SMOC2: variants seen among roughly 807,000 people sequenced by gnomAD.
The protein encoded by SMOC2 is SPARC-related modular calcium-binding protein 2.
In SMOC2, 39 loss-of-function variants were observed where a neutral mutation model predicts 61.4. The ratio of observed to expected loss-of-function variants is 0.64; its 90% CI spans 0.49 to 0.83. The LOEUF is 0.83. Ranked by LOEUF, SMOC2 falls within the 40% of genes least tolerant of loss-of-function variation. The probability of loss-of-function intolerance (pLI) is 0.00; values close to 1 mark genes in which losing one functional copy is unlikely to be tolerated. For missense variants in SMOC2, 556 were observed against 592.9 expected (o/e 0.94, Z 0.65); for synonymous variants, 247 against 239.9 (o/e 1.03, Z -0.27).
chr6:168,503,517 G>A (rs57445813), intron 1 of SMOC2, among the ~76,000 whole-genome samples: 16 of 152,114 alleles, frequency 1.1e-4, no homozygotes, highest in African/African-American at 3.1e-4. Context: ...TGCCCTCCCC[G>A]CATGGTGGTT....
At chr6:168,645,493 G>A (rs369157282) in intron 9 of SMOC2, among the ~76,000 whole-genome samples, 22 of 152,284 alleles carry the variant, frequency 1.4e-4, no homozygotes, top group African/African-American at 5.1e-4. Flanking sequence ...TCCTCTCCTC[G>A]GGCCTTTTCT....
intron 1 of SMOC2, among the ~76,000 whole-genome samples, chr6:168,445,884 T>C (rs1781321716): frequency 6.6e-6 from 1 of 152,190 alleles, no homozygotes; most frequent in African/African-American, 2.4e-5. Context: ...AACAAGACCA[T>C]GCAGCCAATG....
In SMOC2 at chr6:168,453,552, G is replaced by A. The variant is rs1781511601; in HGVS notation, c.84+12098G>A. Among the ~76,000 whole-genome samples the A allele has an allele frequency of 6.6e-6, 1 of 150,986 alleles. No individual in the cohort carries two copies. The highest frequency in any genetic ancestry group is 2.1e-4 in the South Asian group (1 of 4,726). On this transcript the variant is annotated intron_variant, in intron 1 of 12. Transcript: ENST00000356284. The surrounding 1 kb of genome is among the most constrained non-coding windows in gnomAD (Gnocchi z 4.4). ...TGTCTCTTTGTCTCTCTCTGTACCT[G>A]TCTCTCTGATTCTCTCAGTCTCTGC...
intron 2 of SMOC2, among the ~76,000 whole-genome samples, chr6:168,515,139 A>G (rs1783100018): frequency 6.6e-6 from 1 of 152,236 alleles, no homozygotes. Flanking sequence ...ATTCTCATTT[A>G]TGTTACTGAA....
At chr6:168,664,842 C>T (rs1787619584) in intron 12 of SMOC2, 2 of 469,808 alleles carry the variant, frequency 4.3e-6, no homozygotes, top group African/African-American at 2.0e-5. Flanking sequence ...CCTTCAAAGC[C>T]AGGACAAAAT....
intron 1 of SMOC2, among the ~76,000 whole-genome samples, chr6:168,488,721 A>G (rs1782392936): frequency 1.3e-5 from 2 of 152,106 alleles, no homozygotes. Context: ...AGAAGGAAAT[A>G]TATCAAATCG....
At chr6:168,556,201 C>T (rs569781423) in intron 7 of SMOC2, among the ~76,000 whole-genome samples, 706 of 152,282 alleles carry the variant, frequency 4.6e-3, no homozygotes, top group Non-Finnish European at 8.0e-3. Flanking sequence ...GTCCCAGCTC[C>T]GAGGGCGTCC....
At chr6:168,495,208 C>T (rs146528462) in intron 1 of SMOC2, among the ~76,000 whole-genome samples, 1 of 152,298 alleles carries the variant, frequency 6.6e-6, no homozygotes, top group African/African-American at 2.4e-5. Flanking sequence ...GAGTGAGTCA[C>T]AAAGGAGGGA....
intron 9 of SMOC2, among the ~76,000 whole-genome samples, chr6:168,637,606 G>A (rs192918358): frequency 1.3e-4 from 20 of 152,294 alleles, no homozygotes; most frequent in South Asian, 2.1e-4. Flanking sequence ...TTTCCTTTGC[G>A]AGGAACATTT....
At chr6:168,551,505 G>A (rs955345942) in intron 7 of SMOC2, among the ~76,000 whole-genome samples, 49 of 151,198 alleles carry the variant, frequency 3.2e-4, no homozygotes, top group Non-Finnish European at 5.3e-4. Context: ...CCAGGCTGGC[G>A]AGCAGCAGCA....
intron 4 of SMOC2, among the ~76,000 whole-genome samples, chr6:168,530,751 T>C (rs2115081051): frequency 6.6e-6 from 1 of 151,496 alleles, no homozygotes; most frequent in Non-Finnish European, 1.5e-5. Flanking sequence ...TACTGCCCTT[T>C]GCAACATCAG....
At chr6:168,531,393 C>T (rs570642115) in intron 4 of SMOC2, among the ~76,000 whole-genome samples, 15 of 152,324 alleles carry the variant, frequency 9.8e-5, no homozygotes, top group African/African-American at 3.1e-4. Flanking sequence ...CCACTGAAAG[C>T]GGTAACGCAG....
rs367615442 is a variant in SMOC2 at position 168,544,524 on chromosome 6, T to G, written c.511+852T>G. 1.3e-5 allele frequency among the ~76,000 whole-genome samples: 2 copies of G among 151,950 alleles called. No individual in the cohort carries two copies. Among genetic ancestry groups the G allele is most frequent in the East Asian group, 1.9e-4 (1 of 5,146 alleles). ...GCCATCTCTACTAAAAAGACAAAAA[T>G]TAACCAGGCATGGTGGTGCATGCCT... On this transcript the variant is annotated intron_variant, in intron 5 of 12. Coordinates refer to ENST00000356284, the MANE Select transcript of SMOC2 (RefSeq NM_001166412.2). The surrounding 1 kb of genome is among the most constrained non-coding windows in gnomAD (Gnocchi z 4.1).
chr6:168,497,605 G>T (rs1420119481), intron 1 of SMOC2, among the ~76,000 whole-genome samples: 1 of 152,116 alleles, frequency 6.6e-6, no homozygotes. Flanking sequence ...GGAGCAAGAG[G>T]CCTGCCCCCG....
chr6:168,625,930 C>T (rs974178708), intron 9 of SMOC2, among the ~76,000 whole-genome samples: 2 of 152,186 alleles, frequency 1.3e-5, no homozygotes, highest in African/African-American at 4.8e-5. Flanking sequence ...CGTGTTTGAT[C>T]GCCTGGCAGG....
chr6:168,653,236 C>T lies in SMOC2; in HGVS notation c.1285+8C>T. 1 of 1,609,612 alleles carries T rather than the reference C, an allele frequency of 6.2e-7. No individual in the cohort carries two copies. Among genetic ancestry groups the T allele is most frequent in the Non-Finnish European group, 8.5e-7 (1 of 1,177,456 alleles). On this transcript the variant is annotated splice_region_variant and intron_variant, in intron 11 of 12. Transcript: ENST00000356284. ...ACACCAAGAAACGCCACAGTAAGAGCTTTCCCACCCCCGACCCTGGGCAGT... is the reference window on the plus strand; with the variant it reads ...ACACCAAGAAACGCCACAGTAAGAGTTTTCCCACCCCCGACCCTGGGCAGT...
intron 7 of SMOC2, among the ~76,000 whole-genome samples, chr6:168,589,713 T>G (rs113215436): frequency 1.0e-4 from 12 of 117,864 alleles, no homozygotes; most frequent in Admixed American, 2.7e-4. Context: ...GGTGTGGCAT[T>G]AGTTTAGGGG....
In SMOC2 at chr6:168,453,964, T is replaced by C. The variant is rs1374285562; in HGVS notation, c.84+12510T>C. Among the ~76,000 whole-genome samples, 3 of 152,122 alleles carry C rather than the reference T, an allele frequency of 2.0e-5. No homozygotes were observed. The highest frequency in any genetic ancestry group is 4.4e-5 in the Non-Finnish European group (3 of 68,010). ...TTTGGTCTCTGCCATTCTCCCTCTC[T>C]GTTTTGTCTATCTTTCTTTGCCCCT... On this transcript the variant is annotated intron_variant, in intron 1 of 12. Coordinates refer to ENST00000356284, the MANE Select transcript of SMOC2 (RefSeq NM_001166412.2). The surrounding 1 kb of genome is among the most constrained non-coding windows in gnomAD (Gnocchi z 4.4).
intron 1 of SMOC2, among the ~76,000 whole-genome samples, chr6:168,478,183 C>T (rs570862994): frequency 3.3e-5 from 5 of 152,212 alleles, no homozygotes; most frequent in Admixed American, 6.5e-5. Flanking sequence ...AGTCCTGGGC[C>T]GTAGTTCCTG....
Sources: allele counts gnomAD v4.1 joint callset (sites outside exome capture counted in the v4.1 genomes callset), GRCh38; gene constraint gnomAD v4.1.1; non-coding constraint Gnocchi (gnomAD v3.1); transcripts MANE v1.5; gene names NCBI Gene and HGNC (gene_info 2026-07-23, HGNC 2026-07-21).